The following PAPPA2 variants were observed in gnomAD, a reference collection of about 807,000 sequenced individuals.
PAPPA2 encodes pappalysin-2.
PAPPA2 carries 86 observed loss-of-function variants against 176.4 expected under a neutral mutation model. The observed-to-expected ratio is 0.49, with a 90% CI of 0.41 to 0.58. The LOEUF (loss-of-function observed/expected upper bound fraction) is 0.58, where lower values mean the gene tolerates loss of function less well. Among genes scored for constraint, PAPPA2 ranks in the 20% least tolerant of loss-of-function variants. PAPPA2 has a pLI of 0.00. For synonymous variants in PAPPA2, 809 were observed against 852.2 expected (o/e 0.95, Z 0.88); for missense variants, 2,073 against 2,256.9 (o/e 0.92, Z 1.65).
intron 1 of PAPPA2, among the ~76,000 whole-genome samples, chr1:176,478,713 A>G (rs1225673480): frequency 6.6e-6 from 1 of 152,238 alleles, no homozygotes; most frequent in Admixed American, 6.5e-5. Context: ...GAGACTGGCC[A>G]GTCCTCTCCT....
chr1:176,690,466 A>G lies in PAPPA2; in HGVS notation c.2431+36A>G, dbSNP rs748549953. 5 of 1,597,896 alleles carry G rather than the reference A, an allele frequency of 3.1e-6. No individual in the cohort carries two copies. In the East Asian group the frequency reaches 9.0e-5, roughly 29 times the overall value. ...TGTCTTGTTTTGTTTTCTGTTAAGA[A>G]TACATGGGGGCCTTTGAGAGCTGGG... is the stretch of plus-strand genomic sequence containing the variant. On this transcript the variant is annotated intron_variant, in intron 5 of 22. Transcript: ENST00000367662.
At chr1:176,493,871 T>C (rs1451633368) in intron 1 of PAPPA2, among the ~76,000 whole-genome samples, 2 of 152,150 alleles carry the variant, frequency 1.3e-5, no homozygotes, top group Non-Finnish European at 2.9e-5. Flanking sequence ...AAATATGACT[T>C]TGAATAGCTG....
intron 17 of PAPPA2, among the ~76,000 whole-genome samples, chr1:176,773,249 A>C (rs1482561731): frequency 2.0e-5 from 3 of 152,232 alleles, no homozygotes; most frequent in African/African-American, 7.2e-5. Context: ...ATCTGTTTAC[A>C]TAGCAGGTGG....
intron 3 of PAPPA2, among the ~76,000 whole-genome samples, chr1:176,650,279 T>C (rs1657643743): frequency 1.3e-5 from 2 of 151,712 alleles, no homozygotes; most frequent in South Asian, 4.1e-4. Context: ...TATGTGTGTC[T>C]TTATAAATAA....
chr1:176,769,388 G>A (rs1030997350), intron 15 of PAPPA2, among the ~76,000 whole-genome samples: 4 of 152,264 alleles, frequency 2.6e-5, no homozygotes, highest in Admixed American at 6.5e-5. Context: ...TTGCCATGTC[G>A]TGATTCTCTG....
At chr1:176,559,900 A>G (rs1189256684) in intron 2 of PAPPA2, among the ~76,000 whole-genome samples, 2 of 152,240 alleles carry the variant, frequency 1.3e-5, no homozygotes, top group Non-Finnish European at 2.9e-5. Flanking sequence ...TTTATTCAAC[A>G]GAGACTTCAA....
intron 3 of PAPPA2, among the ~76,000 whole-genome samples, chr1:176,643,756 A>C (rs1187786664): frequency 6.6e-6 from 1 of 151,878 alleles, no homozygotes; most frequent in Non-Finnish European, 1.5e-5. Flanking sequence ...TCTGAATATG[A>C]TCACTCAGCC....
In PAPPA2 at chr1:176,598,747, A is replaced by G. The variant is rs573306819; in HGVS notation, c.1991+3152A>G. Among the ~76,000 whole-genome samples, 39 of 152,212 alleles carry G rather than the reference A, an allele frequency of 2.6e-4. No individual in the cohort carries two copies. The South Asian group carries it at 7.7e-3, about 30-fold the overall frequency. On this transcript the variant is annotated intron_variant, in intron 3 of 22. Transcript: ENST00000367662. ...TTAAAAAAATGTTTTTTACACTCCT[A>G]TAGAGCTCTCTCTTCTAGTTAATTC...
chr1:176,657,261 G>A (rs1026302412), intron 3 of PAPPA2, among the ~76,000 whole-genome samples: 8 of 151,954 alleles, frequency 5.3e-5, no homozygotes. Flanking sequence ...GCATGGAAGG[G>A]AAGGCAGATG....
rs116665166 is a variant in PAPPA2, at chr1:176,534,594, A to T, written c.-916-20813A>T. 7.1e-3 allele frequency among the ~76,000 whole-genome samples: 1,076 copies of T among 152,352 alleles called. 14 individuals are homozygous for T. The highest frequency in any genetic ancestry group is 0.025 in the African/African-American group (1,056 of 41,578). On this transcript the variant is annotated intron_variant, in intron 1 of 22. Transcript: ENST00000367662. ...CTCACAACTAGGAGGGAATCATCTT[A>T]CTTAGGACTGCTAACTACAAGAAAG...
intron 1 of PAPPA2, among the ~76,000 whole-genome samples, chr1:176,481,380 C>T (rs371463837): frequency 4.0e-5 from 6 of 151,838 alleles, no homozygotes; most frequent in African/African-American, 7.2e-5. Flanking sequence ...GGAGTGATGC[C>T]GTGTGGCAGC....
chr1:176,616,192 AAC>A (rs1030677556), intron 3 of PAPPA2: 1 of 371,854 alleles, frequency 2.7e-6, no homozygotes, highest in African/African-American at 2.1e-5. Flanking sequence ...TCGCTAAGCC[AAC>A]ATGTTGGCTA....
At chr1:176,567,709 A>G (rs1476303388) in intron 2 of PAPPA2, among the ~76,000 whole-genome samples, 2 of 152,236 alleles carry the variant, frequency 1.3e-5, no homozygotes, top group African/African-American at 4.8e-5. Flanking sequence ...AACAAATTAT[A>G]TGTGTATATG....
At chr1:176,752,755 A>G (rs1663242758) in intron 14 of PAPPA2, among the ~76,000 whole-genome samples, 1 of 152,234 alleles carries the variant, frequency 6.6e-6, no homozygotes, top group African/African-American at 2.4e-5. Flanking sequence ...ATTGCAGTTT[A>G]TGAATTTGGG....
chr1:176,612,690 AT>A (rs1451560916), intron 3 of PAPPA2, among the ~76,000 whole-genome samples: 1 of 152,228 alleles, frequency 6.6e-6, no homozygotes, highest in African/African-American at 2.4e-5. Context: ...ATGTAGTGTA[AT>A]GAACAATGTT....
chr1:176,725,514 T>C (rs1661824777), intron 12 of PAPPA2, among the ~76,000 whole-genome samples: 1 of 152,154 alleles, frequency 6.6e-6, no homozygotes, highest in African/African-American at 2.4e-5. Context: ...TACATAGCAG[T>C]GGGCATGTTT....
chr1:176,730,312 AT>A (rs934330835), intron 12 of PAPPA2, among the ~76,000 whole-genome samples: 15 of 151,520 alleles, frequency 9.9e-5, no homozygotes, highest in Admixed American at 1.3e-4. Context: ...TTAATGTCTT[AT>A]TTTTTTCTAT....
At chr1:176,502,384 G>A (rs934917448) in intron 1 of PAPPA2, among the ~76,000 whole-genome samples, 1 of 152,110 alleles carries the variant, frequency 6.6e-6, no homozygotes, top group African/African-American at 2.4e-5. Context: ...CATTTCTGAT[G>A]TACTTATTCT....
intron 17 of PAPPA2, among the ~76,000 whole-genome samples, chr1:176,771,813 C>T (rs945846108): frequency 5.9e-5 from 9 of 152,068 alleles, no homozygotes; most frequent in Admixed American, 3.9e-4. Context: ...GTGGGGGATC[C>T]GAAAGAACAA....
Sources: allele counts gnomAD v4.1 joint callset (sites outside exome capture counted in the v4.1 genomes callset), GRCh38; gene constraint gnomAD v4.1.1; transcripts MANE v1.5; gene names NCBI Gene and HGNC (gene_info 2026-07-23, HGNC 2026-07-21).